PPP1R9A: variants seen among roughly 807,000 people sequenced by gnomAD.
PPP1R9A encodes the protein neurabin-1.
Under a neutral mutation model 141.9 loss-of-function variants are expected in PPP1R9A, and 59 were observed. The observed-to-expected ratio is 0.42, with a 90% confidence interval of 0.34 to 0.52. The LOEUF (loss-of-function observed/expected upper bound fraction) is 0.52. Among genes scored for constraint, PPP1R9A ranks in the 20% least tolerant of loss-of-function variants. The pLI, the probability that PPP1R9A is intolerant of heterozygous loss-of-function variation, is 0.10. For synonymous variants in PPP1R9A, 500 were observed against 569.7 expected (o/e 0.88, Z 1.74); for missense variants, 1,444 against 1,611.9 (o/e 0.90, Z 1.78).
At position 95,247,513 on chromosome 7, in the gene PPP1R9A, A is replaced by C. The variant is rs149173250; in HGVS notation, c.2153A>C (p.Lys718Thr). ...KHAVTEAEIQ[K>T]LKTKLQAAEN... ...GCAGTTACAGAAGCAGAGATTCAAA[A>C]ATTGAAGACCAAGGTAAGCACCGAA... The change falls in exon 9 of 20, where the codon AAA becomes ACA. Residue 718 changes from lysine to threonine, a missense_variant. Transcript: ENST00000433360. 3.7e-6 allele frequency: 6 copies of C among 1,608,646 alleles called. No individual in the cohort carries two copies. In the African/African-American group the frequency reaches 5.3e-5, roughly 14 times the overall value.
At chr7:94,949,617 ATTTATC>A (rs2151016432) in intron 2 of PPP1R9A, among the ~76,000 whole-genome samples, 1 of 152,184 alleles carries the variant, frequency 6.6e-6, no homozygotes, top group South Asian at 2.1e-4. Context: ...AGTGGTGGGA[ATTTATC>A]TAAGTATGCT....
intron 2 of PPP1R9A, among the ~76,000 whole-genome samples, chr7:95,038,815 C>T (rs1400609267): frequency 6.6e-6 from 1 of 152,122 alleles, no homozygotes; most frequent in Non-Finnish European, 1.5e-5. Context: ...GGCACGTCTC[C>T]AGTTTAATAA....
At chr7:95,009,192 C>A (rs1447232077) in intron 2 of PPP1R9A, among the ~76,000 whole-genome samples, 2 of 152,110 alleles carry the variant, frequency 1.3e-5, no homozygotes, top group Non-Finnish European at 2.9e-5. Context: ...AGAAGATATA[C>A]CTAATGTAAA....
chr7:95,275,904 G>A (rs768199002), intron 16 of PPP1R9A, among the ~76,000 whole-genome samples: 16 of 152,104 alleles, frequency 1.1e-4, no homozygotes, highest in Non-Finnish European at 2.4e-4. Flanking sequence ...ATTGGAAAAG[G>A]GTAGAATGCT....
chr7:95,104,561 C>G (rs1033437812), intron 2 of PPP1R9A, among the ~76,000 whole-genome samples: 4 of 152,128 alleles, frequency 2.6e-5, no homozygotes, highest in African/African-American at 9.7e-5. Flanking sequence ...TTGGAGACTA[C>G]CAGTGTTTAC....
intron 2 of PPP1R9A, among the ~76,000 whole-genome samples, chr7:95,006,817 T>A (rs1378609728): frequency 6.6e-6 from 1 of 152,090 alleles, no homozygotes; most frequent in African/African-American, 2.4e-5. Context: ...GTCTTACCAT[T>A]GTCTCCTTTC....
intron 2 of PPP1R9A, among the ~76,000 whole-genome samples, chr7:95,053,344 G>A (rs1006245989): frequency 1.3e-5 from 2 of 152,142 alleles, no homozygotes; most frequent in African/African-American, 4.8e-5. Flanking sequence ...GAGGGAACAG[G>A]GAATAGAGTG....
rs58872136 is a variant in PPP1R9A at position 95,135,854 on chromosome 7, C to CTTTTTTTT, written c.1649+15040_1649+15047dup. 3.2e-3 allele frequency among the ~76,000 whole-genome samples: 235 copies of CTTTTTTTT among 73,028 alleles called. 5 individuals carry two copies. The highest frequency in any genetic ancestry group is 0.017 in the Middle Eastern group (1 of 58). The allele number at this position is 73,028 out of a possible 152,430, so 47.9% of individuals were successfully genotyped here. ...TTGAGAGATTAAGCTTTCAGCTTTA[C>CTTTTTTTT]TTTTTTTTTTTTTTTTTTTTTTTTT... is the stretch of plus-strand genomic sequence containing the variant. On this transcript the variant is annotated intron_variant, in intron 4 of 19. Coordinates refer to ENST00000433360, the MANE Select transcript of PPP1R9A (RefSeq NM_001166160.2).
chr7:95,035,213 G>A (rs1202293845), intron 2 of PPP1R9A, among the ~76,000 whole-genome samples: 1 of 152,072 alleles, frequency 6.6e-6, no homozygotes, highest in Non-Finnish European at 1.5e-5. Context: ...TAAAATCAAA[G>A]TTTAAGCCTG....
intron 6 of PPP1R9A, among the ~76,000 whole-genome samples, chr7:95,200,123 T>C (rs1789216835): frequency 6.6e-6 from 1 of 151,796 alleles, no homozygotes; most frequent in Non-Finnish European, 1.5e-5. Flanking sequence ...ACATCAAGTC[T>C]AACAAGCAGA....
chr7:95,179,434 GTTGAAAGCA>G (rs1833387269), intron 5 of PPP1R9A, among the ~76,000 whole-genome samples: 1 of 152,046 alleles, frequency 6.6e-6, no homozygotes, highest in Admixed American at 6.6e-5. Flanking sequence ...ATGGTGAAAA[GTTGAAAGCA>G]TTCCCTCTGA....
chr7:95,072,737 A>T (rs1814062921), intron 2 of PPP1R9A, among the ~76,000 whole-genome samples: 1 of 109,182 alleles, frequency 9.2e-6, no homozygotes, highest in African/African-American at 3.7e-5. Flanking sequence ...TATTACATAT[A>T]ATATAATATA....
At chr7:95,158,911 A>C (rs1830038124) in intron 4 of PPP1R9A, among the ~76,000 whole-genome samples, 1 of 152,216 alleles carries the variant, frequency 6.6e-6, no homozygotes, top group African/African-American at 2.4e-5. Flanking sequence ...TTACAGCTGT[A>C]TGATTGGCAG....
chr7:95,204,471 A>G (rs1188218586), intron 7 of PPP1R9A, among the ~76,000 whole-genome samples: 1 of 152,080 alleles, frequency 6.6e-6, no homozygotes, highest in Non-Finnish European at 1.5e-5. Flanking sequence ...TTGTTTTATG[A>G]TCCCCAAATC....
intron 2 of PPP1R9A, among the ~76,000 whole-genome samples, chr7:95,043,335 C>G (rs976174219): frequency 6.6e-6 from 1 of 152,158 alleles, no homozygotes; most frequent in African/African-American, 2.4e-5. Flanking sequence ...TCACTAAATA[C>G]CCTTGCTTGT....
intron 4 of PPP1R9A, among the ~76,000 whole-genome samples, chr7:95,128,721 C>T (rs1189391594): frequency 1.3e-5 from 2 of 152,102 alleles, no homozygotes; most frequent in Non-Finnish European, 2.9e-5. Context: ...GAATTACAGG[C>T]ACGTGCCACC....
At position 94,992,251 on chromosome 7, in the gene PPP1R9A, C is replaced by CT. The variant is rs1316156307; in HGVS notation, c.1395+80749dup. Among the ~76,000 whole-genome samples the CT allele has an allele frequency of 3.3e-5, 5 of 152,100 alleles. No homozygotes were observed. The East Asian group carries it at 9.6e-4, about 29-fold the overall frequency. Reference sequence around the variant, plus strand: ...TAAATGGAAGTACAGAGTATGTACTCTTTTTTAAATCCAGCCTTTTTGTTC... The same window carrying CT: ...TAAATGGAAGTACAGAGTATGTACTCTTTTTTTAAATCCAGCCTTTTTGTTC... On this transcript the variant is annotated intron_variant, in intron 2 of 19. Coordinates refer to ENST00000433360, the MANE Select transcript of PPP1R9A (RefSeq NM_001166160.2).
intron 12 of PPP1R9A, among the ~76,000 whole-genome samples, chr7:95,257,214 T>G (rs1799710923): frequency 6.6e-6 from 1 of 152,136 alleles, no homozygotes; most frequent in African/African-American, 2.4e-5. Context: ...GTAAAAGTGA[T>G]TAAGACCACG....
intron 4 of PPP1R9A, among the ~76,000 whole-genome samples, chr7:95,157,204 G>C (rs556192563): frequency 1.1e-3 from 160 of 152,238 alleles, no homozygotes; most frequent in Middle Eastern, 3.4e-3. Context: ...CCAAGCAGCG[G>C]GAGCAGGCAC....
Sources: gnomAD v4.1 joint callset for allele counts (sites outside exome capture counted in the v4.1 genomes callset) on GRCh38, gnomAD v4.1.1 for gene constraint, MANE v1.5 for transcripts, NCBI Gene and HGNC (gene_info 2026-07-23, HGNC 2026-07-21) for gene names.